Variants in KATNAL1 observed in about 807,000 individuals in gnomAD.
KATNAL1 encodes katanin catalytic subunit A1 like 1.
KATNAL1 carries 32 observed loss-of-function variants against 55.2 expected under a neutral mutation model. The observed-to-expected ratio is 0.58, with a 90% confidence interval of 0.44 to 0.78. KATNAL1 has a LOEUF of 0.78. Ranked by LOEUF, KATNAL1 falls within the 30% of genes least tolerant of loss-of-function variation. The pLI, the probability that KATNAL1 is intolerant of heterozygous loss-of-function variation, is 0.00. For missense variants in KATNAL1, 466 were observed against 600.9 expected, an observed-to-expected ratio of 0.78 and a Z score of 2.35; for synonymous variants, 193 against 193.6, an observed-to-expected ratio of 1.00 and a Z score of 0.02.
intron 4 of KATNAL1, among the ~76,000 whole-genome samples, chr13:30,241,423 G>A (rs1024927779): frequency 5.3e-5 from 8 of 152,090 alleles, no homozygotes; most frequent in African/African-American, 1.9e-4. Context: ...AAAACATTTT[G>A]AATATTAATG....
At chr13:30,237,568 A>G (rs895142402) in intron 6 of KATNAL1, among the ~76,000 whole-genome samples, 2 of 152,192 alleles carry the variant, frequency 1.3e-5, no homozygotes, top group Non-Finnish European at 2.9e-5. Flanking sequence ...ACTTGTAAAG[A>G]AGGACCTCAA....
At position 30,233,582 on chromosome 13, in the gene KATNAL1, C is replaced by T. The variant is rs147612903; in HGVS notation, c.727-2110G>A. Among the ~76,000 whole-genome samples the T allele has an allele frequency of 2.8e-3, 427 of 150,636 alleles. 2 individuals carry two copies. The highest frequency in any genetic ancestry group is 9.5e-3 in the African/African-American group (388 of 40,876). ...TCTACCATATGATCCAGCAATTCCACTACCGGGAATATATACAAAAAAAAA... is the reference window on the plus strand; with the variant it reads ...TCTACCATATGATCCAGCAATTCCATTACCGGGAATATATACAAAAAAAAA... On this transcript the variant is annotated intron_variant, in intron 6 of 10. Coordinates refer to ENST00000380615, the MANE Select transcript of KATNAL1 (RefSeq NM_032116.5).
At chr13:30,300,743 T>C (rs979109320) in intron 1 of KATNAL1, among the ~76,000 whole-genome samples, 4 of 152,178 alleles carry the variant, frequency 2.6e-5, no homozygotes, top group African/African-American at 7.2e-5. Flanking sequence ...TTTTGGGTAA[T>C]AGTCTCAAGG....
At chr13:30,281,134 AAAAG>A (rs1461560258) in intron 2 of KATNAL1, among the ~76,000 whole-genome samples, 26 of 137,440 alleles carry the variant, frequency 1.9e-4, no homozygotes, top group South Asian at 4.4e-4. Context: ...AAAAAAAAAA[AAAAG>A]AAAAGAAAAG....
intron 1 of KATNAL1, among the ~76,000 whole-genome samples, chr13:30,284,205 T>C (rs1881620558): frequency 6.6e-6 from 1 of 152,174 alleles, no homozygotes; most frequent in African/African-American, 2.4e-5. Flanking sequence ...TTTGAGGTTA[T>C]CTGAATGCAT....
At chr13:30,244,478 C>T (rs1227080869) in intron 4 of KATNAL1, among the ~76,000 whole-genome samples, 1 of 152,154 alleles carries the variant, frequency 6.6e-6, no homozygotes, top group Non-Finnish European at 1.5e-5. Context: ...ATTTCTGGTT[C>T]TAGATCCTTG....
At chr13:30,296,216 G>T in intron 1 of KATNAL1, 2 of 841,768 alleles carry the variant, frequency 2.4e-6, no homozygotes. Context: ...GGTGGATGGC[G>T]CCTTCAAAGA....
chr13:30,208,780 T>C (rs563961631), intron 10 of KATNAL1, 42 bp from the exon 11 acceptor site: 1 of 1,255,350 alleles, frequency 8.0e-7, no homozygotes, highest in Non-Finnish European at 1.1e-6. Flanking sequence ...TTTTTGCACA[T>C]GTTTTAAACA....
At chr13:30,290,470 C>CA (rs2137551457) in intron 1 of KATNAL1, among the ~76,000 whole-genome samples, 1 of 152,250 alleles carries the variant, frequency 6.6e-6, no homozygotes, top group African/African-American at 2.4e-5. Flanking sequence ...CAAGAAGAGA[C>CA]AGAGTAGTTA....
chr13:30,241,376 T>C (rs907815335), intron 4 of KATNAL1, among the ~76,000 whole-genome samples: 21 of 152,330 alleles, frequency 1.4e-4, no homozygotes, highest in African/African-American at 3.8e-4. Context: ...AGCCTACCTT[T>C]GAACTGGTAG....
At chr13:30,298,571 G>C (rs1882670226) in intron 1 of KATNAL1, among the ~76,000 whole-genome samples, 1 of 152,044 alleles carries the variant, frequency 6.6e-6, no homozygotes, top group African/African-American at 2.4e-5. Flanking sequence ...CAAAATTAAG[G>C]CCTTTTTAGC....
At chr13:30,245,334 C>A (rs1258169542) in intron 4 of KATNAL1, among the ~76,000 whole-genome samples, 2 of 152,078 alleles carry the variant, frequency 1.3e-5, no homozygotes, top group East Asian at 3.9e-4. Context: ...GCAGAAAAGG[C>A]CTTCGATAAA....
At chr13:30,225,059 A>C (rs1364494113) in intron 9 of KATNAL1, among the ~76,000 whole-genome samples, 2 of 152,186 alleles carry the variant, frequency 1.3e-5, no homozygotes, top group Non-Finnish European at 2.9e-5. Context: ...AGTTTCTGCC[A>C]CATTTCTTCC....
chr13:30,212,379 G>A (rs965115933), intron 9 of KATNAL1, among the ~76,000 whole-genome samples: 7 of 152,324 alleles, frequency 4.6e-5, no homozygotes, highest in African/African-American at 1.2e-4. Context: ...AATAGCCAGC[G>A]TGCCTGGCAA....
At chr13:30,235,838 G>A (rs1033310753) in intron 6 of KATNAL1, among the ~76,000 whole-genome samples, 8 of 149,270 alleles carry the variant, frequency 5.4e-5, no homozygotes, top group African/African-American at 7.5e-5. Context: ...TGCATATAAC[G>A]TTTGATTCCC....
intron 9 of KATNAL1, among the ~76,000 whole-genome samples, chr13:30,218,761 C>A (rs753925437): frequency 1.3e-5 from 2 of 152,156 alleles, no homozygotes; most frequent in Non-Finnish European, 2.9e-5. Context: ...GGTAACATGG[C>A]CCAGCAGAGA....
In KATNAL1 at chr13:30,205,329, A is replaced by C. The variant is rs1284848632; in HGVS notation, c.*3211T>G. 2 of 152,238 alleles carry C rather than the reference A, an allele frequency of 1.3e-5. No individual in the cohort carries two copies. The highest frequency in any genetic ancestry group is 1.3e-4 in the Admixed American group (2 of 15,278). 9.4% of individuals were successfully genotyped at this position (152,238 alleles called of 1,614,324 possible). On this transcript the variant is annotated 3_prime_UTR_variant, in exon 11 of 11. Transcript: ENST00000380615. Reference sequence around the variant, plus strand: ...CTCTAGTCCAGCTTTGTCTTGGTCCACAGAGCTCCTACTCACTGTGTCTTG... The same window carrying C: ...CTCTAGTCCAGCTTTGTCTTGGTCCCCAGAGCTCCTACTCACTGTGTCTTG...
chr13:30,238,849 T>C (rs1259242374), intron 6 of KATNAL1, among the ~76,000 whole-genome samples: 1 of 152,192 alleles, frequency 6.6e-6, no homozygotes, highest in African/African-American at 2.4e-5. Context: ...AAAGGAATGG[T>C]ATCACACAAT....
chr13:30,210,800 ATACT>A (rs1444132473), intron 9 of KATNAL1: 1 of 158,974 alleles, frequency 6.3e-6, no homozygotes, highest in Non-Finnish European at 1.4e-5. Flanking sequence ...CAAAAAAAAA[ATACT>A]TAGCCTGGTG....
Sources: allele counts gnomAD v4.1 joint callset (sites outside exome capture counted in the v4.1 genomes callset), GRCh38; gene constraint gnomAD v4.1.1; transcripts MANE v1.5; gene names NCBI Gene and HGNC (gene_info 2026-07-23, HGNC 2026-07-21).